Variants in TLL1 observed in about 807,000 individuals in gnomAD.
TLL1 encodes tolloid like 1.
A neutral mutation model predicts 128.2 loss-of-function variants in TLL1; 49 were observed. That is an observed-to-expected ratio of 0.38 (90% CI 0.30 to 0.48). The LOEUF (loss-of-function observed/expected upper bound fraction) is 0.48, where lower values mean the gene tolerates loss of function less well. TLL1 is among the 20% of genes least tolerant of loss of function. The pLI is 0.96. For missense variants in TLL1, 1,123 were observed against 1,242.0 expected (o/e 0.90, Z 1.44); for synonymous variants, 454 against 418.8 (o/e 1.08, Z -1.03).
intron 1 of TLL1, among the ~76,000 whole-genome samples, chr4:165,969,805 A>G (rs1735555017): frequency 6.6e-6 from 1 of 152,156 alleles, no homozygotes; most frequent in Non-Finnish European, 1.5e-5. Context: ...ATGTTAACTT[A>G]TTAATTTTTA....
chr4:166,008,094 C>A, intron 7 of TLL1, 46 bp downstream of exon 7: 1 of 1,378,144 alleles, frequency 7.3e-7, no homozygotes, highest in South Asian at 1.2e-5. Flanking sequence ...TCCTTTCCTC[C>A]ATGTGGCTCC....
chr4:165,925,819 C>G (rs532571680), intron 1 of TLL1, among the ~76,000 whole-genome samples: 2 of 152,138 alleles, frequency 1.3e-5, no homozygotes, highest in Non-Finnish European at 2.9e-5. Flanking sequence ...CTTCAGCAAC[C>G]ACCACCTTGA....
chr4:165,912,917 C>T (rs1732603963), intron 1 of TLL1, among the ~76,000 whole-genome samples: 1 of 151,576 alleles, frequency 6.6e-6, no homozygotes, highest in Admixed American at 6.6e-5. Flanking sequence ...TTGGATTGAG[C>T]TGTTTTCTTT....
At chr4:165,984,867 T>G (rs1736329635) in intron 1 of TLL1, among the ~76,000 whole-genome samples, 1 of 151,986 alleles carries the variant, frequency 6.6e-6, no homozygotes, top group African/African-American at 2.4e-5. Flanking sequence ...CCACTAGAGA[T>G]TGAGGGGCTT....
Position 165,873,704 on chromosome 4 carries a change from A to C in TLL1, c.-201A>C. Reference sequence around the variant, plus strand: ...GGCCCCTAGCCAACTTCTCCCTGCGACTGGGGGTAACAGGCAGTGCTTGCC... The same window carrying C: ...GGCCCCTAGCCAACTTCTCCCTGCGCCTGGGGGTAACAGGCAGTGCTTGCC... On this transcript the variant is annotated 5_prime_UTR_variant, in exon 1 of 21. Coordinates refer to ENST00000061240, the MANE Select transcript of TLL1 (RefSeq NM_012464.5). 1.8e-6 allele frequency: 1 copy of C among 566,484 alleles called. No homozygotes were observed. Among genetic ancestry groups the C allele is most frequent in the Non-Finnish European group, 3.1e-6 (1 of 319,568 alleles). The allele number at this position is 566,484 out of a possible 1,614,324, so 35.1% of individuals were successfully genotyped here.
chr4:166,009,453 A>G (rs532424657), intron 7 of TLL1, among the ~76,000 whole-genome samples: 11 of 151,510 alleles, frequency 7.3e-5, no homozygotes, highest in African/African-American at 2.7e-4. Context: ...CCCTTATTCT[A>G]TACTTTTTTC....
In TLL1 at chr4:165,949,796, A is replaced by G. The variant is rs1734423592; in HGVS notation, c.170-39585A>G. 3.3e-5 allele frequency among the ~76,000 whole-genome samples: 5 copies of G among 152,006 alleles called. No homozygotes were observed. In the South Asian group the frequency reaches 8.3e-4, roughly 25 times the overall value. On this transcript the variant is annotated intron_variant, in intron 1 of 20. Coordinates refer to ENST00000061240, the MANE Select transcript of TLL1 (RefSeq NM_012464.5). ...TATCTCCCACCGGGTCCCTCCCACA[A>G]TATGTGGGAATTATGGCAGATACAA... is the stretch of plus-strand genomic sequence containing the variant.
intron 5 of TLL1, among the ~76,000 whole-genome samples, chr4:166,001,700 G>T (rs1337998790): frequency 6.6e-6 from 1 of 151,560 alleles, no homozygotes; most frequent in Non-Finnish European, 1.5e-5. Context: ...TCTGGAGGCT[G>T]TCAGGAGAAT....
chr4:166,099,470 G>A lies in TLL1; in HGVS notation c.2850G>A (p.Glu950=). The change falls in exon 20 of 21, where the codon GAG becomes GAA. Residue 950 remains glutamate (E), a synonymous_variant. Transcript: ENST00000061240. ...EEADCGYDYV[E]LFDGLDSTAV... ...CAGACTGTGGCTATGACTATGTGGA[G>A]CTCTTTGATGGTCTTGATTCAACAG... 1 of 1,613,470 alleles carries A rather than the reference G, an allele frequency of 6.2e-7. No individual in the cohort carries two copies. Among genetic ancestry groups the A allele is most frequent in the Non-Finnish European group, 8.5e-7 (1 of 1,179,630 alleles).
intron 16 of TLL1, among the ~76,000 whole-genome samples, chr4:166,068,783 T>C (rs564709324): frequency 6.6e-6 from 1 of 151,998 alleles, no homozygotes; most frequent in African/African-American, 2.4e-5. Flanking sequence ...AAATAAGTTA[T>C]GGCAAATGCA....
chr4:165,908,554 G>T (rs1732378900), intron 1 of TLL1, among the ~76,000 whole-genome samples: 2 of 147,526 alleles, frequency 1.4e-5, no homozygotes, highest in Admixed American at 6.9e-5. Context: ...TACTCCAGCA[G>T]CCTGGGTGAC....
At position 166,099,363 on chromosome 4, in the gene TLL1, G is replaced by A; in HGVS notation, c.2743G>A (p.Val915Ile). The A allele has an allele frequency of 6.2e-7, 1 of 1,613,560 alleles. No individual in the cohort carries two copies. Among genetic ancestry groups the A allele is most frequent in the Non-Finnish European group, 8.5e-7 (1 of 1,179,654 alleles). Residue 915 changes from valine (V) to isoleucine (I), a missense_variant, in exon 20 of 21, where the codon GTT (valine) becomes ATT (isoleucine). Around this residue, in one of 3 missense-constraint regions of TLL1, gnomAD observed 634 missense variants for 672.4 expected, o/e 0.94. Transcript: ENST00000061240. The part of the protein sequence containing the change: ...QFGDNNYPGQ[V>I]DCEWLLVSER... ...TGGTGATAACAACTACCCAGGACAG[G>A]TTGACTGTGAATGGCTATTAGTATC...
chr4:165,875,870 A>G (rs936575515), intron 1 of TLL1, among the ~76,000 whole-genome samples: 1 of 152,170 alleles, frequency 6.6e-6, no homozygotes, highest in Non-Finnish European at 1.5e-5. Flanking sequence ...CTCAGACATT[A>G]GTGTTTAGTT....
chr4:166,044,313 C>A (rs1739363921), intron 12 of TLL1: 1 of 1,492,812 alleles, frequency 6.7e-7, no homozygotes, highest in Non-Finnish European at 9.0e-7. Context: ...ACTATGAACA[C>A]TACTTACTGA....
rs561848510 is a variant in TLL1, at chr4:165,996,199, T to G, written c.632+1021T>G. ...CTGTAATCATAATATTACCACAGTT[T>G]ATCCAAATGTCTGTCTTTCTCAATG... is the stretch of plus-strand genomic sequence containing the variant. On this transcript the variant is annotated intron_variant, in intron 5 of 20. Coordinates refer to ENST00000061240, the MANE Select transcript of TLL1 (RefSeq NM_012464.5). Among the ~76,000 whole-genome samples, 10 of 152,290 alleles carry G rather than the reference T, an allele frequency of 6.6e-5. No individual in the cohort carries two copies. The South Asian group carries it at 1.9e-3, about 28-fold the overall frequency.
Position 166,074,841 on chromosome 4 carries a change from G to T in TLL1, c.2189-37G>T, listed in dbSNP as rs1191601889. The T allele has an allele frequency of 5.0e-6, 8 of 1,610,720 alleles. No individual in the cohort carries two copies. In the East Asian group the frequency reaches 1.8e-4, roughly 36 times the overall value. The stretch of plus-strand genomic sequence containing the variant: ...CCCTTTGATATCCTCTGTTTTTAAA[G>T]TTACTTACTAGACTATGGGATTGAT... On this transcript the variant is annotated intron_variant, in intron 16 of 20. Transcript: ENST00000061240.
At position 165,882,776 on chromosome 4, in the gene TLL1, G is replaced by T. The variant is rs28497991; in HGVS notation, c.169+8703G>T. On this transcript the variant is annotated intron_variant, in intron 1 of 20. Coordinates refer to ENST00000061240, the MANE Select transcript of TLL1 (RefSeq NM_012464.5). ...TGGGATTACAGGCATGCGCCACCAC[G>T]CCCGGCTAGTTTTATATTTTTAGTA... Among the ~76,000 whole-genome samples, 5 of 151,868 alleles carry T rather than the reference G, an allele frequency of 3.3e-5. No individual in the cohort carries two copies. In the South Asian group the frequency reaches 1.0e-3, roughly 32 times the overall value.
intron 9 of TLL1, among the ~76,000 whole-genome samples, chr4:166,026,660 C>G (rs896982081): frequency 1.3e-5 from 2 of 151,548 alleles, no homozygotes; most frequent in Non-Finnish European, 2.9e-5. Context: ...GCACTGCAGC[C>G]TGGACGATAA....
At chr4:166,024,397 T>G (rs1738393216) in intron 8 of TLL1, among the ~76,000 whole-genome samples, 1 of 152,204 alleles carries the variant, frequency 6.6e-6, no homozygotes, top group African/African-American at 2.4e-5. Context: ...CTGTTTTGAT[T>G]GCAGTGTCCT....
Sources: gnomAD v4.1 joint callset for allele counts (sites outside exome capture counted in the v4.1 genomes callset) on GRCh38, gnomAD v4.1.1 for gene constraint, gnomAD v4.1.1 regional missense constraint, MANE v1.5 for transcripts, NCBI Gene and HGNC (gene_info 2026-07-23, HGNC 2026-07-21) for gene names.